Variants in ATP6V0A4 observed in about 807,000 individuals in gnomAD.
ATP6V0A4 encodes the protein ATPase H+ transporting V0 subunit a4, also known as V-type proton ATPase 116 kDa subunit a 4.
A neutral mutation model predicts 107.3 loss-of-function variants in ATP6V0A4; 86 were observed. The ratio of observed to expected loss-of-function variants is 0.80; its 90% CI spans 0.67 to 0.96. The LOEUF is 0.96. Ranked by LOEUF, ATP6V0A4 falls within the 40% of genes least tolerant of loss-of-function variation. The pLI is 0.00. For synonymous variants in ATP6V0A4, 353 were observed against 381.4 expected (o/e 0.93, Z 0.87); for missense variants, 908 against 1,045.6 (o/e 0.87, Z 1.81).
chr7:138,737,115 A>ATATATATATATATATATATATATGT (rs540225443), intron 15 of ATP6V0A4, among the ~76,000 whole-genome samples: 1 of 86,718 alleles, frequency 1.2e-5, no homozygotes, highest in Non-Finnish European at 2.1e-5. Flanking sequence ...AGCCCTTATT[A>ATATATATATATATATATATATATGT]ATATATATAT....
intron 1 of ATP6V0A4, among the ~76,000 whole-genome samples, chr7:138,797,371 C>T (rs1352193261): frequency 6.6e-6 from 1 of 151,982 alleles, no homozygotes. Flanking sequence ...GCATGCACCA[C>T]CACACCTGGC....
rs147512254 is a variant in ATP6V0A4 at position 138,771,231 on chromosome 7, C to T, written c.17G>A (p.Arg6Gln). 5.5e-5 allele frequency: 88 copies of T among 1,613,712 alleles called. No homozygotes were observed. In the African/African-American group the frequency reaches 6.1e-4, roughly 11 times the overall value. Residue 6 changes from arginine to glutamine, a missense_variant, in exon 3 of 22, where the codon CGA (arginine) becomes CAA (glutamine). Physicochemically the swap from Arg to Gln is conservative, Grantham distance 43. Coordinates refer to ENST00000310018, the MANE Select transcript of ATP6V0A4 (RefSeq NM_020632.3). ...TTGTGACAAACACATCTCCTCGCTT[C>T]GAAACACAGACACCATCTTGGCCCA... Reference protein sequence around the residue: MVSVFRSEEMCLSQLF... With the variant: MVSVFQSEEMCLSQLF...
intron 1 of ATP6V0A4, 175 bp downstream of exon 1, chr7:138,797,850 GGCACAGCTT>G: frequency 1.4e-6 from 1 of 697,326 alleles, no homozygotes; most frequent in Non-Finnish European, 2.4e-6. Flanking sequence ...AGGGGAGAAG[GGCACAGCTT>G]GCCCCTCCCT....
At position 138,737,112 on chromosome 7, in the gene ATP6V0A4, A is replaced by AT. The variant is rs1245978445; in HGVS notation, c.1572+2427dup. Among the ~76,000 whole-genome samples, 470 of 114,146 alleles carry AT rather than the reference A, an allele frequency of 4.1e-3. 35 individuals are homozygous for AT. Among genetic ancestry groups the AT allele is most frequent in the African/African-American group, 0.015 (448 of 30,538 alleles). 74.9% of individuals were successfully genotyped at this position (114,146 alleles called of 152,430 possible). On this transcript the variant is annotated intron_variant, in intron 15 of 21. Coordinates refer to ENST00000310018, the MANE Select transcript of ATP6V0A4 (RefSeq NM_020632.3). ...TGTGTTATGTAAAAAGTAAGCCCTT[A>AT]TTAATATATATATATGATACAAACT...
At chr7:138,739,818 G>T in intron 14 of ATP6V0A4, 185 bp from the exon 15 acceptor site, 1 of 616,286 alleles carries the variant, frequency 1.6e-6, no homozygotes, top group Non-Finnish European at 2.0e-6. Flanking sequence ...ATCTGAGTTT[G>T]CAAAGAGATC....
chr7:138,797,987 C>A, intron 1 of ATP6V0A4, 47 bp downstream of exon 1: 1 of 1,546,538 alleles, frequency 6.5e-7, no homozygotes, highest in Non-Finnish European at 8.7e-7. Context: ...ATAAGTTCAC[C>A]TCTGGCAGAG....
chr7:138,757,776 A>T (rs1806585002), intron 8 of ATP6V0A4, among the ~76,000 whole-genome samples: 1 of 152,234 alleles, frequency 6.6e-6, no homozygotes, highest in South Asian at 2.1e-4. Flanking sequence ...TGGTGTCTAC[A>T]TTCTGGAGAA....
At chr7:138,742,379 A>G (rs1805675405) in intron 14 of ATP6V0A4, among the ~76,000 whole-genome samples, 1 of 152,186 alleles carries the variant, frequency 6.6e-6, no homozygotes, top group Admixed American at 6.5e-5. Context: ...GTGAGCCAAA[A>G]TCGCACCATT....
At chr7:138,795,817 G>T (rs1563026894) in intron 1 of ATP6V0A4, among the ~76,000 whole-genome samples, 4 of 151,026 alleles carry the variant, frequency 2.6e-5, no homozygotes, top group Non-Finnish European at 4.4e-5. Context: ...ATTTTTTTGT[G>T]TTTTTTTTTG....
chr7:138,754,246 C>T (rs186049841), intron 10 of ATP6V0A4, among the ~76,000 whole-genome samples: 6,403 of 151,936 alleles, frequency 0.042, 418 homozygotes, highest in African/African-American at 0.14. Flanking sequence ...GTCGGGAGTT[C>T]GAGACCAGCC....
chr7:138,762,191 G>T, intron 7 of ATP6V0A4, 149 bp downstream of exon 7: 2 of 1,028,342 alleles, frequency 1.9e-6, no homozygotes, highest in South Asian at 2.7e-5. Flanking sequence ...AACCTAGTAA[G>T]TTACATATGG....
intron 18 of ATP6V0A4, among the ~76,000 whole-genome samples, chr7:138,726,447 C>T (rs938181446): frequency 1.3e-5 from 2 of 152,224 alleles, no homozygotes; most frequent in Middle Eastern, 3.2e-3. Context: ...TGTACTCACT[C>T]GCTGCCCACG....
chr7:138,791,127 T>G (rs890206771), intron 1 of ATP6V0A4, among the ~76,000 whole-genome samples: 8 of 151,686 alleles, frequency 5.3e-5, no homozygotes, highest in African/African-American at 1.5e-4. Context: ...AAAACAGGAC[T>G]GAATAGTTTG....
At chr7:138,709,869 T>C (rs1387019819) in intron 20 of ATP6V0A4, 74 bp from the exon 21 acceptor site, 2 of 1,461,018 alleles carry the variant, frequency 1.4e-6, no homozygotes, top group East Asian at 2.7e-5. Flanking sequence ...CTCATCTTTT[T>C]AATTAAAAAT....
intron 12 of ATP6V0A4, among the ~76,000 whole-genome samples, chr7:138,748,176 A>T (rs1346302574): frequency 6.6e-6 from 1 of 151,872 alleles, no homozygotes; most frequent in East Asian, 1.9e-4. Context: ...GGAACACAAG[A>T]TCAGCTTTCT....
intron 21 of ATP6V0A4, among the ~76,000 whole-genome samples, 192 bp downstream of exon 21, chr7:138,709,432 A>C (rs1179666335): frequency 6.6e-6 from 1 of 151,884 alleles, no homozygotes; most frequent in Non-Finnish European, 1.5e-5. Context: ...GTATATATGT[A>C]TATATACATA....
chr7:138,749,712 G>T (rs549258272), intron 11 of ATP6V0A4, among the ~76,000 whole-genome samples: 1 of 151,928 alleles, frequency 6.6e-6, no homozygotes, highest in Admixed American at 6.6e-5. Context: ...AAACTCCAAT[G>T]TGTCACCAAC....
intron 2 of ATP6V0A4, among the ~76,000 whole-genome samples, chr7:138,781,317 ATTTTCTTTTTTTTTTTCT>A (rs1807908566): frequency 6.8e-6 from 1 of 146,080 alleles, no homozygotes; most frequent in Admixed American, 6.7e-5. Flanking sequence ...ATTCTTTCAG[ATTTTCTTTTTTTTTTTCT>A]TTTTCTTTTT....
chr7:138,758,245 CAAAG>C (rs1806606650), intron 8 of ATP6V0A4, among the ~76,000 whole-genome samples: 1 of 151,644 alleles, frequency 6.6e-6, no homozygotes, highest in Non-Finnish European at 1.5e-5. Context: ...TTAGGTAAAA[CAAAG>C]AAAAGAAAAA....
Sources: allele counts gnomAD v4.1 joint callset (sites outside exome capture counted in the v4.1 genomes callset), GRCh38; gene constraint gnomAD v4.1.1; transcripts MANE v1.5; gene names NCBI Gene and HGNC (gene_info 2026-07-23, HGNC 2026-07-21).